CPAMD8: variants seen among roughly 807,000 people sequenced by gnomAD.
CPAMD8 encodes C3 and PZP like alpha-2-macroglobulin domain containing 8.
A neutral mutation model predicts 224.7 loss-of-function variants in CPAMD8; 146 were observed. The observed-to-expected ratio is 0.65, with a 90% confidence interval of 0.57 to 0.75. CPAMD8 has a LOEUF of 0.75. CPAMD8 is among the 30% of genes least tolerant of loss of function. The probability of loss-of-function intolerance (pLI) is 0.00; values close to 1 mark genes in which losing one functional copy is unlikely to be tolerated. For synonymous variants in CPAMD8, 966 were observed against 1,044.6 expected (o/e 0.92, Z 1.45); for missense variants, 2,301 against 2,537.5 (o/e 0.91, Z 2.00).
At chr19:16,921,280 G>A (rs1305577577) in intron 27 of CPAMD8, among the ~76,000 whole-genome samples, 1 of 152,082 alleles carries the variant, frequency 6.6e-6, no homozygotes, top group Non-Finnish European at 1.5e-5. Context: ...AGCTGCTGTC[G>A]GCACTACCAG....
chr19:16,944,123 C>A (rs138795921), intron 22 of CPAMD8, among the ~76,000 whole-genome samples: 1 of 152,194 alleles, frequency 6.6e-6, no homozygotes, highest in Non-Finnish European at 1.5e-5. Context: ...GATTCCCCAC[C>A]GGCCCATGCA....
intron 41 of CPAMD8, 145 bp downstream of exon 41, chr19:16,896,031 T>C: frequency 1.1e-6 from 1 of 892,338 alleles, no homozygotes; most frequent in South Asian, 1.3e-5. Flanking sequence ...TCTGAGCCTC[T>C]GACCCTGAGT....
At chr19:16,970,111 C>T (rs995815893) in intron 18 of CPAMD8, among the ~76,000 whole-genome samples, 4 of 143,576 alleles carry the variant, frequency 2.8e-5, no homozygotes, top group African/African-American at 7.7e-5. Flanking sequence ...GTGTGGCGGG[C>T]GCCTATAGTC....
chr19:16,947,050 C>A (rs1161609957), intron 21 of CPAMD8, 24 bp downstream of exon 21: 2 of 1,577,752 alleles, frequency 1.3e-6, no homozygotes, highest in East Asian at 2.3e-5. Flanking sequence ...AGGGGGGACA[C>A]CCCAAGAACT....
Position 16,914,650 on chromosome 19 carries a change from C to G in CPAMD8, c.3786+7G>C, listed in dbSNP as rs1321648637. On this transcript the variant is annotated splice_region_variant and intron_variant, in intron 28 of 41. Coordinates refer to ENST00000443236, the MANE Select transcript of CPAMD8 (RefSeq NM_015692.5). ...GGCCCGGGAAGGAGGCTCAAGGGGC[C>G]ACTCACCTGGATGTCCTTGTTCAGG... is the stretch of plus-strand genomic sequence containing the variant. 1 of 1,613,952 alleles carries G rather than the reference C, an allele frequency of 6.2e-7. No homozygotes were observed. The highest frequency in any genetic ancestry group is 1.1e-5 in the South Asian group (1 of 91,080).
chr19:16,956,535 T>C (rs919433294), intron 19 of CPAMD8, among the ~76,000 whole-genome samples: 11 of 152,074 alleles, frequency 7.2e-5, no homozygotes, highest in Non-Finnish European at 2.9e-5. Flanking sequence ...ATCCTTAACA[T>C]CAAAAACATC....
chr19:17,016,341 C>A (rs1171309919), intron 3 of CPAMD8, among the ~76,000 whole-genome samples: 2 of 152,176 alleles, frequency 1.3e-5, no homozygotes, highest in African/African-American at 4.8e-5. Flanking sequence ...TTATACAACC[C>A]TTTGTTAGTC....
At chr19:17,017,442 G>A (rs2056841579) in intron 3 of CPAMD8, among the ~76,000 whole-genome samples, 1 of 152,150 alleles carries the variant, frequency 6.6e-6, no homozygotes. Context: ...CATGAAACTG[G>A]TCCCTGGTGC....
chr19:16,914,497 C>A lies in CPAMD8; in HGVS notation c.3788G>T (p.Gly1263Val). Reference sequence around the variant, plus strand: ...CAGCGGGACAGTGCCGTGGATCCCACCCTGCAAGGGGACTCACAGGCCTCA... The same window carrying A: ...CAGCGGGACAGTGCCGTGGATCCCAACCTGCAAGGGGACTCACAGGCCTCA... ...VGRVLNKDIQ[G>V]GIHGTVPLTA... Residue 1263 changes from glycine (G) to valine (V), a missense_variant and splice_region_variant, in exon 29 of 42, where the codon GGT becomes GTT. By Grantham distance (109) the Gly-to-Val change is moderately radical. Transcript: ENST00000443236. The A allele has an allele frequency of 6.2e-7, 1 of 1,614,126 alleles. No homozygotes were observed. The highest frequency in any genetic ancestry group is 8.5e-7 in the Non-Finnish European group (1 of 1,179,962).
chr19:17,013,214 A>T (rs2056711015), intron 3 of CPAMD8, among the ~76,000 whole-genome samples: 1 of 151,608 alleles, frequency 6.6e-6, no homozygotes, highest in Non-Finnish European at 1.5e-5. Context: ...AATACAAATA[A>T]AGTCACAGCA....
intron 27 of CPAMD8, 134 bp downstream of exon 27, chr19:16,921,771 T>C (rs899904582): frequency 1.6e-6 from 1 of 626,000 alleles, no homozygotes; most frequent in Non-Finnish European, 2.8e-6. Flanking sequence ...ACCACCACAG[T>C]CTTTACTTCC....
chr19:17,021,067 A>T (rs1360566127), intron 2 of CPAMD8, among the ~76,000 whole-genome samples: 2 of 152,198 alleles, frequency 1.3e-5, no homozygotes, highest in African/African-American at 4.8e-5. Flanking sequence ...CCCTCTGGTC[A>T]TAGTGATTGG....
chr19:16,998,831 G>A (rs1285123899), intron 10 of CPAMD8, among the ~76,000 whole-genome samples: 1 of 152,160 alleles, frequency 6.6e-6, no homozygotes, highest in East Asian at 1.9e-4. Flanking sequence ...TCCTAGGAAA[G>A]AACCCAAGAG....
chr19:16,985,583 G>C (rs1240552285), intron 13 of CPAMD8, among the ~76,000 whole-genome samples: 1 of 149,956 alleles, frequency 6.7e-6, no homozygotes, highest in Non-Finnish European at 1.5e-5. Flanking sequence ...GAAGAAAGGA[G>C]GGAGGGAGAG....
At chr19:16,972,834 C>T (rs2055112077) in intron 17 of CPAMD8, among the ~76,000 whole-genome samples, 2 of 152,134 alleles carry the variant, frequency 1.3e-5, no homozygotes, top group African/African-American at 2.4e-5. Context: ...TTCACATACT[C>T]ATAAATGAAA....
At chr19:16,993,318 G>T in intron 12 of CPAMD8, 98 bp downstream of exon 12, 2 of 957,088 alleles carry the variant, frequency 2.1e-6, no homozygotes, top group Non-Finnish European at 3.2e-6. Flanking sequence ...GCTGGGACGG[G>T]CTCCAGGCCC....
At chr19:17,006,421 G>A (rs1432052640) in intron 7 of CPAMD8, among the ~76,000 whole-genome samples, 1 of 151,972 alleles carries the variant, frequency 6.6e-6, no homozygotes, top group Non-Finnish European at 1.5e-5. Context: ...TACTTGGGAG[G>A]CTGAGGTGGG....
At chr19:16,916,670 C>T (rs751201565) in intron 27 of CPAMD8, among the ~76,000 whole-genome samples, 16 of 151,950 alleles carry the variant, frequency 1.1e-4, no homozygotes, top group South Asian at 2.1e-4. Flanking sequence ...CCTCAGGAGG[C>T]GGAGGTTGCA....
chr19:16,982,160 G>C (rs960830053), intron 13 of CPAMD8, among the ~76,000 whole-genome samples: 1 of 152,058 alleles, frequency 6.6e-6, no homozygotes, highest in Admixed American at 6.6e-5. Flanking sequence ...TTGAGAGGCC[G>C]AGGCGAGAGG....
Sources: allele counts gnomAD v4.1 joint callset (sites outside exome capture counted in the v4.1 genomes callset), GRCh38; gene constraint gnomAD v4.1.1; transcripts MANE v1.5; gene names NCBI Gene and HGNC (gene_info 2026-07-23, HGNC 2026-07-21).